Variants in MME observed in about 807,000 individuals in gnomAD.
MME encodes the protein membrane metalloendopeptidase, also known as neprilysin.
In MME, 98 loss-of-function variants were observed where a neutral mutation model predicts 113.2. That is an observed-to-expected ratio of 0.87 (90% CI 0.74 to 1.02). The LOEUF is 1.02. MME is among the 50% of genes least tolerant of loss of function. The probability of loss-of-function intolerance (pLI) is 0.00; values close to 1 mark genes in which losing one functional copy is unlikely to be tolerated. For synonymous variants in MME, 292 were observed against 300.6 expected (o/e 0.97, Z 0.30); for missense variants, 836 against 896.0 (o/e 0.93, Z 0.86).
chr3:155,042,917 T>TATATACAC (rs1419982725), intron 1 of MME, among the ~76,000 whole-genome samples: 1 of 51,082 alleles, frequency 2.0e-5, no homozygotes, highest in East Asian at 6.4e-4. Context: ...TATATATATA[T>TATATACAC]ATATATATAT....
intron 1 of MME, among the ~76,000 whole-genome samples, chr3:155,044,733 T>C (rs1713490512): frequency 6.6e-6 from 1 of 152,308 alleles, no homozygotes; most frequent in South Asian, 2.1e-4. Flanking sequence ...TCAACATCTA[T>C]TGGGTTGGGA....
intron 3 of MME, among the ~76,000 whole-genome samples, chr3:155,095,313 A>C (rs1176415665): frequency 1.3e-5 from 2 of 152,220 alleles, no homozygotes; most frequent in Non-Finnish European, 2.9e-5. Context: ...GTTCAATTTC[A>C]GACTGTGTGC....
At chr3:155,150,461 G>A (rs1423600982) in intron 16 of MME, among the ~76,000 whole-genome samples, 1 of 152,124 alleles carries the variant, frequency 6.6e-6, no homozygotes, top group Non-Finnish European at 1.5e-5. Flanking sequence ...TCCTCCCCAT[G>A]AGCTTCTGAT....
intron 3 of MME, among the ~76,000 whole-genome samples, chr3:155,102,199 A>AT (rs1318892790): frequency 6.6e-6 from 1 of 152,224 alleles, no homozygotes; most frequent in African/African-American, 2.4e-5. Context: ...TACAGTGCAT[A>AT]TGCAGGTTTT....
At chr3:155,090,542 T>A (rs1716198636) in intron 3 of MME, 1 of 152,240 alleles carries the variant, frequency 6.6e-6, no homozygotes, top group Admixed American at 6.5e-5. Flanking sequence ...TTTGGGGCCA[T>A]TATTAAGTAA....
Position 155,168,803 on chromosome 3 carries a change from T to TA in MME, c.1980+12dup. 6.2e-7 allele frequency: 1 copy of TA among 1,604,386 alleles called. No homozygotes were observed. The highest frequency in any genetic ancestry group is 8.5e-7 in the Non-Finnish European group (1 of 1,171,618). ...GTCTTGGTCAAGCATACAGAGTAAG[T>TA]AAAAAAGATTTTCTTTCCATTTTAG... is the stretch of plus-strand genomic sequence containing the variant. On this transcript the variant is annotated splice_region_variant and intron_variant, in intron 20 of 22. Coordinates refer to ENST00000360490, the MANE Select transcript of MME (RefSeq NM_007289.4).
At chr3:155,035,145 A>G (rs997074876) in intron 1 of MME, among the ~76,000 whole-genome samples, 3 of 151,926 alleles carry the variant, frequency 2.0e-5, no homozygotes, top group Non-Finnish European at 2.9e-5. Flanking sequence ...AAGGAAAAAT[A>G]CGTGTGTGTG....
At position 155,028,268 on chromosome 3, in the gene MME, C is replaced by A. The variant is rs569272682; in HGVS notation, c.-11+3944C>A. Among the ~76,000 whole-genome samples, 23 of 152,196 alleles carry A rather than the reference C, an allele frequency of 1.5e-4. No homozygotes were observed. In the South Asian group the frequency reaches 4.3e-3, roughly 29 times the overall value. ...TGTTTAGTGATAAGGACTAAGAGAA[C>A]CATAAAATGGATTAATGTGGCACAA... On this transcript the variant is annotated intron_variant, in intron 1 of 22. Transcript: ENST00000492661.
At chr3:155,030,511 C>T (rs1403226747) in intron 1 of MME, among the ~76,000 whole-genome samples, 1 of 151,982 alleles carries the variant, frequency 6.6e-6, no homozygotes, top group Non-Finnish European at 1.5e-5. Flanking sequence ...GTGTAGATAG[C>T]TCCGAAAAGA....
At chr3:155,135,840 T>A (rs1720578389) in intron 8 of MME, among the ~76,000 whole-genome samples, 1 of 152,196 alleles carries the variant, frequency 6.6e-6, no homozygotes, top group Admixed American at 6.6e-5. Context: ...CTTGTAGAAA[T>A]ATTTCATCTC....
intron 3 of MME, among the ~76,000 whole-genome samples, chr3:155,103,626 G>A (rs1395649908): frequency 1.3e-5 from 2 of 152,176 alleles, no homozygotes; most frequent in East Asian, 1.9e-4. Context: ...CTACTTGGGT[G>A]TAAGCATTTC....
chr3:155,045,084 A>C (rs1490615768), intron 1 of MME, among the ~76,000 whole-genome samples: 3 of 152,260 alleles, frequency 2.0e-5, no homozygotes, highest in Middle Eastern at 3.4e-3. Context: ...AAACCCTTTA[A>C]ACTGATTTTT....
chr3:155,160,555 A>C (rs1722644271), intron 17 of MME, 107 bp downstream of exon 17: 1 of 774,070 alleles, frequency 1.3e-6, no homozygotes, highest in Non-Finnish European at 2.3e-6. Flanking sequence ...GCTGAGGCTG[A>C]GTTATTGCTC....
At chr3:155,119,410 CTTTTTTTTTTT>C (rs781633297) in intron 8 of MME, among the ~76,000 whole-genome samples, 1 of 112,294 alleles carries the variant, frequency 8.9e-6, no homozygotes, top group Non-Finnish European at 1.9e-5. Flanking sequence ...TTCACGTGCT[CTTTTTTTTTTT>C]TTTTTTTTAT....
upstream of MME, among the ~76,000 whole-genome samples, chr3:155,075,321 G>A (rs933850265): frequency 6.6e-6 from 1 of 151,930 alleles, no homozygotes; most frequent in African/African-American, 2.4e-5. Flanking sequence ...TATGTTTTAA[G>A]TGTGTCTCTT....
At chr3:155,098,563 A>C (rs1202855130) in intron 3 of MME, among the ~76,000 whole-genome samples, 1 of 151,944 alleles carries the variant, frequency 6.6e-6, no homozygotes, top group Non-Finnish European at 1.5e-5. Flanking sequence ...CTCAAAAAAA[A>C]AAAAGAGTGG....
At chr3:155,122,242 T>A (rs1303053551) in intron 8 of MME, among the ~76,000 whole-genome samples, 1 of 152,098 alleles carries the variant, frequency 6.6e-6, no homozygotes, top group African/African-American at 2.4e-5. Flanking sequence ...TAGTTTGTAT[T>A]TCTGTAGGAT....
chr3:155,059,014 G>T (rs1559895219), intron 1 of MME, among the ~76,000 whole-genome samples: 1 of 152,118 alleles, frequency 6.6e-6, no homozygotes, highest in African/African-American at 2.4e-5. Flanking sequence ...TGTAATCCCA[G>T]CACTGTGGGA....
At chr3:155,076,760 G>A (rs956778222), upstream of MME, among the ~76,000 whole-genome samples, 10 of 152,186 alleles carry the variant, frequency 6.6e-5, no homozygotes, top group Non-Finnish European at 1.2e-4. Context: ...AAGGGGCAGA[G>A]ATTTCCTGGA....
Sources: allele counts gnomAD v4.1 joint callset (sites outside exome capture counted in the v4.1 genomes callset), GRCh38; gene constraint gnomAD v4.1.1; transcripts MANE v1.5; gene names NCBI Gene and HGNC (gene_info 2026-07-23, HGNC 2026-07-21).